Variants in CRYBG1 observed in about 807,000 individuals in gnomAD.
The protein encoded by CRYBG1 is crystallin beta-gamma domain containing 1, also known as beta/gamma crystallin domain-containing protein 1.
In CRYBG1, 139 loss-of-function variants were observed where a neutral mutation model predicts 189.2. The observed-to-expected ratio is 0.73, with a 90% CI of 0.64 to 0.85. CRYBG1 has a LOEUF of 0.85. Among genes scored for constraint, CRYBG1 ranks in the 40% least tolerant of loss-of-function variants. CRYBG1 has a pLI of 0.00. For synonymous variants in CRYBG1, 1,023 were observed against 1,017.1 expected, an observed-to-expected ratio of 1.01 and a Z score of -0.11; for missense variants, 2,611 against 2,675.8, an observed-to-expected ratio of 0.98 and a Z score of 0.53.
intron 2 of CRYBG1, among the ~76,000 whole-genome samples, chr6:106,457,925 G>C (rs182496514): frequency 6.6e-6 from 1 of 152,230 alleles, no homozygotes; most frequent in African/African-American, 2.4e-5. Context: ...CGGGGGAATA[G>C]TGTGTGTATA....
chr6:106,519,854 G>A lies in CRYBG1; in HGVS notation c.2646G>A (p.Gly882=), dbSNP rs771931019. The A allele has an allele frequency of 6.2e-7, 1 of 1,614,130 alleles. No individual in the cohort carries two copies. Among genetic ancestry groups the A allele is most frequent in the South Asian group, 1.1e-5 (1 of 91,078 alleles). The change falls in exon 4 of 22, where the codon GGG becomes GGA. Residue 882 remains glycine (G), a synonymous_variant. Coordinates refer to ENST00000633556, the MANE Select transcript of CRYBG1 (RefSeq NM_001371242.2). ...PSLSLSAPAP[G]DVPKDTCVQS... is the part of the protein sequence containing the mutation. Reference sequence around the variant, plus strand: ...TTTCACTGTCTGCACCCGCTCCTGGGGATGTTCCCAAAGACACATGTGTTC... The same window carrying A: ...TTTCACTGTCTGCACCCGCTCCTGGAGATGTTCCCAAAGACACATGTGTTC...
chr6:106,460,359 C>T (rs1053130839), intron 2 of CRYBG1, among the ~76,000 whole-genome samples: 1 of 152,162 alleles, frequency 6.6e-6, no homozygotes, highest in Non-Finnish European at 1.5e-5. Context: ...CTTTCATATT[C>T]TTTGCTCATT....
At chr6:106,422,076 AT>A (rs1387820593) in intron 1 of CRYBG1, among the ~76,000 whole-genome samples, 2 of 152,172 alleles carry the variant, frequency 1.3e-5, no homozygotes, top group Admixed American at 6.5e-5. Flanking sequence ...GCCAAACCAT[AT>A]AAACTCCAGA....
intron 1 of CRYBG1, among the ~76,000 whole-genome samples, chr6:106,399,200 C>A (rs1424971330): frequency 6.6e-6 from 1 of 152,188 alleles, no homozygotes. Flanking sequence ...TCAGAAAAAC[C>A]TTTTGGTCAG....
intron 13 of CRYBG1, among the ~76,000 whole-genome samples, chr6:106,546,490 A>G (rs929287820): frequency 2.0e-5 from 3 of 152,210 alleles, no homozygotes; most frequent in African/African-American, 7.2e-5. Flanking sequence ...AAGTGTGTAC[A>G]ATGTACTAAA....
chr6:106,445,036 T>C (rs1005685010), intron 1 of CRYBG1, among the ~76,000 whole-genome samples: 3 of 152,084 alleles, frequency 2.0e-5, no homozygotes, highest in Admixed American at 2.0e-4. Flanking sequence ...GGAAGGTGAA[T>C]GCAATCAGGA....
intron 2 of CRYBG1, among the ~76,000 whole-genome samples, chr6:106,509,651 G>C (rs1408304568): frequency 1.3e-5 from 2 of 151,928 alleles, no homozygotes; most frequent in Non-Finnish European, 2.9e-5. Flanking sequence ...ACTCTGGGGG[G>C]TGGGTGACCC....
Position 106,362,968 on chromosome 6 carries a change from G to A in CRYBG1, c.173+1887G>A, listed in dbSNP as rs530556887. Among the ~76,000 whole-genome samples the A allele has an allele frequency of 1.8e-4, 27 of 152,072 alleles. No homozygotes were observed. The East Asian group carries it at 4.8e-3, about 27-fold the overall frequency. Reference sequence around the variant, plus strand: ...AGTATAAAATTTAAAATAGGAGGCCGGGCGCGGTGGCTCACGCCTGTAATC... The same window carrying A: ...AGTATAAAATTTAAAATAGGAGGCCAGGCGCGGTGGCTCACGCCTGTAATC... On this transcript the variant is annotated intron_variant, in intron 1 of 21. Coordinates refer to ENST00000633556, the MANE Select transcript of CRYBG1 (RefSeq NM_001371242.2).
chr6:106,427,674 A>AT (rs565258632), intron 1 of CRYBG1, among the ~76,000 whole-genome samples: 29 of 152,126 alleles, frequency 1.9e-4, no homozygotes, highest in Admixed American at 3.9e-4. Context: ...AGATTCTTTT[A>AT]TTTTTTTAAT....
At chr6:106,514,997 C>G (rs1020069381) in intron 3 of CRYBG1, among the ~76,000 whole-genome samples, 4 of 152,096 alleles carry the variant, frequency 2.6e-5, no homozygotes, top group Admixed American at 6.5e-5. Context: ...TTCCTATGAC[C>G]GTATCGCAAG....
At chr6:106,501,103 C>A in intron 2 of CRYBG1, among the ~76,000 whole-genome samples, 1 of 152,158 alleles carries the variant, frequency 6.6e-6, no homozygotes, top group South Asian at 2.1e-4. Flanking sequence ...AACAAAATAA[C>A]GTTCTTGTTC....
At chr6:106,489,585 G>A (rs1021214183) in intron 2 of CRYBG1, among the ~76,000 whole-genome samples, 2 of 151,494 alleles carry the variant, frequency 1.3e-5, no homozygotes, top group Admixed American at 6.6e-5. Context: ...TTGGGAGGCC[G>A]AGGAGGGTGG....
chr6:106,539,791 G>A (rs943917563), intron 9 of CRYBG1, among the ~76,000 whole-genome samples: 12 of 151,724 alleles, frequency 7.9e-5, no homozygotes, highest in African/African-American at 2.9e-4. Context: ...GGTGCGCAAA[G>A]CTTCAGCGCA....
At chr6:106,521,996 G>A (rs751374508) in intron 4 of CRYBG1, among the ~76,000 whole-genome samples, 4 of 152,154 alleles carry the variant, frequency 2.6e-5, no homozygotes, top group Non-Finnish European at 5.9e-5. Flanking sequence ...GCCTCCCAGA[G>A]TGTTGCGATT....
At chr6:106,561,213 C>G in intron 19 of CRYBG1, 129 bp from the exon 20 acceptor site, 1 of 1,127,834 alleles carries the variant, frequency 8.9e-7, no homozygotes, top group Non-Finnish European at 1.3e-6. Context: ...TTTAAAACCT[C>G]TGAGACTCTT....
At chr6:106,561,774 A>C (rs148021707) in intron 20 of CRYBG1, among the ~76,000 whole-genome samples, 1 of 152,296 alleles carries the variant, frequency 6.6e-6, no homozygotes, top group African/African-American at 2.4e-5. Context: ...GAAGTGTGTT[A>C]TTCTTCCCTT....
At chr6:106,429,849 A>G (rs907165251) in intron 1 of CRYBG1, among the ~76,000 whole-genome samples, 4 of 152,230 alleles carry the variant, frequency 2.6e-5, no homozygotes, top group African/African-American at 9.6e-5. Flanking sequence ...GGGCTGTAGC[A>G]ATCACTGGAT....
intron 21 of CRYBG1, among the ~76,000 whole-genome samples, chr6:106,564,364 T>C (rs1338599517): frequency 4.6e-5 from 7 of 152,230 alleles, no homozygotes; most frequent in African/African-American, 1.4e-4. Flanking sequence ...GAGTTGATGA[T>C]TCTCATGTAT....
intron 14 of CRYBG1, 31 bp downstream of exon 14, chr6:106,552,009 T>G: frequency 1.3e-6 from 2 of 1,562,078 alleles, no homozygotes; most frequent in Non-Finnish European, 1.7e-6. Flanking sequence ...ATGAGAATAT[T>G]TAACTGAATT....
Sources: gnomAD v4.1 joint callset for allele counts (sites outside exome capture counted in the v4.1 genomes callset) on GRCh38, gnomAD v4.1.1 for gene constraint, MANE v1.5 for transcripts, NCBI Gene and HGNC (gene_info 2026-07-23, HGNC 2026-07-21) for gene names.